Variants in MMRN1 observed in about 807,000 individuals in gnomAD.
MMRN1 encodes multimerin-1.
MMRN1 carries 94 observed loss-of-function variants against 100.7 expected under a neutral mutation model. The ratio of observed to expected loss-of-function variants is 0.93; its 90% CI spans 0.79 to 1.11. MMRN1 has a LOEUF of 1.11. MMRN1 is among the 50% of genes least tolerant of loss of function. The probability of loss-of-function intolerance (pLI) is 0.00; values close to 1 mark genes in which losing one functional copy is unlikely to be tolerated. For synonymous variants in MMRN1, 575 were observed against 505.0 expected (o/e 1.14, Z -1.86); for missense variants, 1,606 against 1,439.1 (o/e 1.12, Z -1.88).
upstream of MMRN1, among the ~76,000 whole-genome samples, chr4:89,893,345 T>A (rs542456515): frequency 6.6e-6 from 1 of 151,084 alleles, no homozygotes; most frequent in African/African-American, 2.4e-5. Flanking sequence ...CTTACGGAAA[T>A]AAATGGCAAA....
Position 89,911,928 on chromosome 4 carries a change from T to C in MMRN1, c.744-16T>C, listed in dbSNP as rs1721762761. 1 of 1,489,364 alleles carries C rather than the reference T, an allele frequency of 6.7e-7. No individual in the cohort carries two copies. The highest frequency in any genetic ancestry group is 1.8e-5 in the Admixed American group (1 of 55,948). The allele number at this position is 1,489,364 out of a possible 1,614,324, so 92.3% of individuals were successfully genotyped here. Reference sequence around the variant, plus strand: ...AAACAAATAATCGATTTCCCTCCAATTGCTCAACTCTCTAGATCTCAGAAG... The same window carrying C: ...AAACAAATAATCGATTTCCCTCCAACTGCTCAACTCTCTAGATCTCAGAAG... On this transcript the variant is annotated splice_polypyrimidine_tract_variant and intron_variant, in intron 2 of 7. Coordinates refer to ENST00000264790, the MANE Select transcript of MMRN1 (RefSeq NM_007351.3).
chr4:89,913,472 T>A (rs1215459743), intron 3 of MMRN1, among the ~76,000 whole-genome samples: 1 of 151,284 alleles, frequency 6.6e-6, no homozygotes, highest in African/African-American at 2.4e-5. Flanking sequence ...TACTTAGGAA[T>A]CAATTCTTTA....
At chr4:89,922,820 T>A (rs1446036229) in intron 3 of MMRN1, among the ~76,000 whole-genome samples, 1 of 152,212 alleles carries the variant, frequency 6.6e-6, no homozygotes, top group Non-Finnish European at 1.5e-5. Context: ...CTTATAAGAA[T>A]GCTATAGCTT....
intron 6 of MMRN1, among the ~76,000 whole-genome samples, chr4:89,937,776 G>A (rs1444113674): frequency 6.6e-6 from 1 of 152,032 alleles, no homozygotes; most frequent in Non-Finnish European, 1.5e-5. Context: ...AGACTTTCCC[G>A]ATGTTTTGAA....
chr4:89,896,028 T>A (rs1053223395), intron 1 of MMRN1, among the ~76,000 whole-genome samples: 1 of 152,114 alleles, frequency 6.6e-6, no homozygotes, highest in Non-Finnish European at 1.5e-5. Flanking sequence ...AAAGTAACAG[T>A]TGTCAAAGAT....
Position 89,936,668 on chromosome 4 carries a change from T to C in MMRN1, c.2988T>C (p.Asn996=), listed in dbSNP as rs767132575. Residue 996 remains asparagine, a synonymous_variant, in exon 6 of 8, where the codon AAT becomes AAC. Coordinates refer to ENST00000264790, the MANE Select transcript of MMRN1 (RefSeq NM_007351.3). ...IDRSLPGSLA[N]VVKSQKQVKS... is the part of the protein sequence containing the mutation. ...GATCGTTGCCTGGTAGTCTGGCAAA[T>C]GTTGTCAAGTCTCAGAAGCAAGTAA... The C allele has an allele frequency of 1.4e-5, 22 of 1,613,576 alleles. No homozygotes were observed. Among genetic ancestry groups the C allele is most frequent in the Non-Finnish European group, 1.9e-5 (22 of 1,179,674 alleles).
intron 7 of MMRN1, among the ~76,000 whole-genome samples, chr4:89,952,252 A>G (rs1723204331): frequency 6.6e-6 from 1 of 152,188 alleles, no homozygotes; most frequent in Admixed American, 6.5e-5. Flanking sequence ...TATTAAGTAA[A>G]ACAAGATGGC....
At chr4:89,936,941 C>T in intron 6 of MMRN1, 143 bp downstream of exon 6, 2 of 689,164 alleles carry the variant, frequency 2.9e-6, no homozygotes, top group Non-Finnish European at 4.5e-6. Context: ...AGATCACTGA[C>T]ATTATTTAAA....
At position 89,921,220 on chromosome 4, in the gene MMRN1, T is replaced by A. The variant is rs1473929969; in HGVS notation, c.851-1948T>A. 3.3e-5 allele frequency among the ~76,000 whole-genome samples: 5 copies of A among 152,134 alleles called. No individual in the cohort carries two copies. The South Asian group carries it at 6.2e-4, about 19-fold the overall frequency. ...AGCAAATAAATGAAAAGATCATTGT[T>A]CATCCTGTTAAATTCACCTGTTCTT... On this transcript the variant is annotated intron_variant, in intron 3 of 7. Coordinates refer to ENST00000264790, the MANE Select transcript of MMRN1 (RefSeq NM_007351.3).
chr4:89,898,635 C>T (rs1372508), intron 1 of MMRN1, among the ~76,000 whole-genome samples: 8 of 151,102 alleles, frequency 5.3e-5, no homozygotes, highest in Admixed American at 6.6e-5. Flanking sequence ...CCGCCACTTC[C>T]GGCTATTCAA....
intron 3 of MMRN1, among the ~76,000 whole-genome samples, chr4:89,922,143 TC>T (rs1218523657): frequency 6.6e-6 from 1 of 152,120 alleles, no homozygotes; most frequent in Non-Finnish European, 1.5e-5. Context: ...TCCTGCTCTA[TC>T]CCCCAGCTGG....
At chr4:89,943,642 G>T (rs1469375609) in intron 6 of MMRN1, among the ~76,000 whole-genome samples, 1 of 152,154 alleles carries the variant, frequency 6.6e-6, no homozygotes, top group Admixed American at 6.6e-5. Context: ...GTGGGATCAA[G>T]TTAGAAAGCA....
upstream of MMRN1, chr4:89,894,828 A>G (rs1721136490): frequency 7.1e-7 from 1 of 1,404,012 alleles, no homozygotes; most frequent in South Asian, 1.6e-5. Flanking sequence ...AGTACGCTAC[A>G]AAACACAGAA....
chr4:89,905,887 T>C (rs1385881859), intron 1 of MMRN1, among the ~76,000 whole-genome samples: 4 of 151,546 alleles, frequency 2.6e-5, no homozygotes, highest in Non-Finnish European at 1.5e-5. Context: ...AAAGCCACAG[T>C]TTATTAATAT....
At chr4:89,910,805 T>C (rs1357754646) in intron 2 of MMRN1, among the ~76,000 whole-genome samples, 1 of 151,400 alleles carries the variant, frequency 6.6e-6, no homozygotes, top group Non-Finnish European at 1.5e-5. Context: ...GCCTCAGACA[T>C]ACTCGGTTAC....
At chr4:89,952,385 A>G (rs1723207945) in intron 7 of MMRN1, among the ~76,000 whole-genome samples, 1 of 152,196 alleles carries the variant, frequency 6.6e-6, no homozygotes, top group Admixed American at 6.5e-5. Context: ...TGACTGCAAA[A>G]AAACCTATTT....
rs769223257 is a variant in MMRN1, at chr4:89,953,331, A to T, written c.3600A>T (p.Glu1200Asp). The change falls in exon 8 of 8, where the codon GAA becomes GAT. Residue 1200 changes from glutamate (E) to aspartate (D), a missense_variant. Glu to Asp is a conservative substitution (Grantham distance 45). Coordinates refer to ENST00000264790, the MANE Select transcript of MMRN1 (RefSeq NM_007351.3). ...DALLELNYGQEVWLRLAKGTI... is the reference protein window; with the variant it reads ...DALLELNYGQDVWLRLAKGTI... ...TATTAGAATTAAATTATGGGCAGGA[A>T]GTCTGGTTACGACTTGCAAAAGGAA... is the stretch of plus-strand genomic sequence containing the variant. 6.2e-7 allele frequency: 1 copy of T among 1,613,822 alleles called. No homozygotes were observed. The highest frequency in any genetic ancestry group is 1.1e-5 in the South Asian group (1 of 91,064).
upstream of MMRN1, among the ~76,000 whole-genome samples, chr4:89,891,897 C>T (rs944697232): frequency 3.3e-5 from 5 of 151,992 alleles, no homozygotes; most frequent in African/African-American, 1.2e-4. Context: ...ATACCCCCAA[C>T]ATTTTACAAA....
At position 89,953,049 on chromosome 4, in the gene MMRN1, T is replaced by C. The variant is rs1339675685; in HGVS notation, c.3318T>C (p.Ser1106=). The change falls in exon 8 of 8, where the codon TCT becomes TCC. Residue 1106 remains serine (S), a synonymous_variant. Coordinates refer to ENST00000264790, the MANE Select transcript of MMRN1 (RefSeq NM_007351.3). ...CACCCATGGTGGCATTTTTTGCATCTCATACGTATGGAATGACTATACCTG... is the reference window on the plus strand; with the variant it reads ...CACCCATGGTGGCATTTTTTGCATCCCATACGTATGGAATGACTATACCTG... ...RYAPMVAFFA[S]HTYGMTIPGP... The C allele has an allele frequency of 1.9e-6, 3 of 1,613,152 alleles. No homozygotes were observed.
Sources: gnomAD v4.1 joint callset for allele counts (sites outside exome capture counted in the v4.1 genomes callset) on GRCh38, gnomAD v4.1.1 for gene constraint, MANE v1.5 for transcripts, NCBI Gene and HGNC (gene_info 2026-07-23, HGNC 2026-07-21) for gene names.